The following DARS1 variants were observed in gnomAD, a reference collection of about 807,000 sequenced individuals.
DARS1 encodes the protein aspartate--tRNA ligase, cytoplasmic.
A neutral mutation model predicts 68.8 loss-of-function variants in DARS1; 51 were observed. That is an observed-to-expected ratio of 0.74 (90% CI 0.59 to 0.94). The LOEUF (loss-of-function observed/expected upper bound fraction) is 0.94. Among genes scored for constraint, DARS1 ranks in the 40% least tolerant of loss-of-function variants. DARS1 has a pLI of 0.00. For synonymous variants in DARS1, 203 were observed against 190.4 expected, an observed-to-expected ratio of 1.07 and a Z score of -0.55; for missense variants, 607 against 597.3, an observed-to-expected ratio of 1.02 and a Z score of -0.17.
rs1370555724 is a variant in DARS1 at position 135,906,572 on chromosome 2, A to G, written c.*744T>C. The G allele has an allele frequency of 6.6e-6, 1 of 152,174 alleles. No individual in the cohort carries two copies. The highest frequency in any genetic ancestry group is 1.9e-4 in the East Asian group (1 of 5,158). The allele number at this position is 152,174 out of a possible 1,614,324, so 9.4% of individuals were successfully genotyped here. On this transcript the variant is annotated 3_prime_UTR_variant, in exon 16 of 16. Transcript: ENST00000264161. Reference sequence around the variant, plus strand: ...TGAAATGAATACATGTTGACAACATATTAGTCTTTATTTATATAAACTAGT... The same window carrying G: ...TGAAATGAATACATGTTGACAACATGTTAGTCTTTATTTATATAAACTAGT...
chr2:135,930,385 A>T (rs1681315567), intron 7 of DARS1, among the ~76,000 whole-genome samples: 1 of 152,200 alleles, frequency 6.6e-6, no homozygotes, highest in African/African-American at 2.4e-5. Context: ...TAGGATGCCC[A>T]TGAGTCCTGA....
At chr2:135,961,634 T>C (rs1196841213) in intron 3 of DARS1, 136 bp from the exon 4 acceptor site, 7 of 547,304 alleles carry the variant, frequency 1.3e-5, no homozygotes, top group African/African-American at 3.8e-5. Flanking sequence ...GTGTATACTA[T>C]CCATTTGGCT....
intron 4 of DARS1, among the ~76,000 whole-genome samples, chr2:135,950,342 C>A (rs1367128042): frequency 1.3e-5 from 2 of 152,168 alleles, no homozygotes; most frequent in Non-Finnish European, 1.5e-5. Context: ...TAGAAATGGC[C>A]TTTTCCTCAC....
At chr2:135,912,116 C>T (rs1200884042) in intron 13 of DARS1, among the ~76,000 whole-genome samples, 1 of 152,126 alleles carries the variant, frequency 6.6e-6, no homozygotes, top group African/African-American at 2.4e-5. Context: ...GACCGTAAGA[C>T]ATTATTTAGA....
intron 9 of DARS1, among the ~76,000 whole-genome samples, chr2:135,921,657 A>G (rs900628600): frequency 2.0e-5 from 3 of 152,222 alleles, no homozygotes; most frequent in African/African-American, 7.2e-5. Flanking sequence ...CAGGCACAAT[A>G]TTGATTCCCT....
At chr2:135,932,184 A>T (rs2104809536) in intron 7 of DARS1, among the ~76,000 whole-genome samples, 1 of 152,320 alleles carries the variant, frequency 6.6e-6, no homozygotes, top group East Asian at 1.9e-4. Flanking sequence ...TGAGTAGAAT[A>T]TTTAAGTAAA....
At chr2:135,913,730 C>G (rs1157922168) in intron 12 of DARS1, among the ~76,000 whole-genome samples, 3 of 151,718 alleles carry the variant, frequency 2.0e-5, no homozygotes, top group Non-Finnish European at 4.4e-5. Flanking sequence ...TGCACTCCAG[C>G]CTGGGCAACA....
At position 135,911,159 on chromosome 2, in the gene DARS1, G is replaced by C; in HGVS notation, c.1394C>G (p.Pro465Arg). 6.6e-7 allele frequency: 1 copy of C among 1,522,746 alleles called. No individual in the cohort carries two copies. The highest frequency in any genetic ancestry group is 1.1e-5 in the South Asian group (1 of 89,122). The allele number at this position is 1,522,746 out of a possible 1,614,324, so 94.3% of individuals were successfully genotyped here. Residue 465 changes from proline (P) to arginine (R), a missense_variant, in exon 15 of 16, where the codon CCT (proline) becomes CGT (arginine). By Grantham distance (103) the Pro-to-Arg change is moderately radical (BLOSUM62 -2). Coordinates refer to ENST00000264161, the MANE Select transcript of DARS1 (RefSeq NM_001349.4). ...ATTACCAATGCCTCCACCAGCATGAGGAGGGGCTCCAAAGCGGAAGGAATC... is the reference window on the plus strand; with the variant it reads ...ATTACCAATGCCTCCACCAGCATGACGAGGGGCTCCAAAGCGGAAGGAATC... ...YIDSFRFGAP[P>R]HAGGGIGLER...
chr2:135,925,679 TATTAG>T (rs942785437), intron 7 of DARS1, among the ~76,000 whole-genome samples: 1 of 152,228 alleles, frequency 6.6e-6, no homozygotes, highest in Non-Finnish European at 1.5e-5. Flanking sequence ...CTTTATAATT[TATTAG>T]ATTACTTACT....
At chr2:135,985,205 C>T in intron 1 of DARS1, 198 bp downstream of exon 1, 1 of 842,476 alleles carries the variant, frequency 1.2e-6, no homozygotes, top group East Asian at 2.8e-5. Flanking sequence ...TCCCAGGTGA[C>T]CCCCGCAAGA....
intron 4 of DARS1, among the ~76,000 whole-genome samples, chr2:135,957,210 G>A (rs1438017999): frequency 6.6e-6 from 1 of 151,736 alleles, no homozygotes; most frequent in East Asian, 2.0e-4. Context: ...GACTACAGGT[G>A]CATGCAGCCA....
At chr2:135,949,005 T>C (rs547922405) in intron 4 of DARS1, among the ~76,000 whole-genome samples, 26 of 152,228 alleles carry the variant, frequency 1.7e-4, no homozygotes, top group Admixed American at 2.0e-4. Flanking sequence ...AGGTGACTCA[T>C]TAGAGAATGA....
chr2:135,937,043 C>T (rs1268724501), intron 5 of DARS1, among the ~76,000 whole-genome samples: 2 of 152,082 alleles, frequency 1.3e-5, no homozygotes, highest in Non-Finnish European at 2.9e-5. Flanking sequence ...TAGGTTCAAA[C>T]TGGCAGGGTT....
In DARS1 at chr2:135,920,472, A is replaced by C; in HGVS notation, c.940T>G (p.Phe314Val). 6.2e-7 allele frequency: 1 copy of C among 1,613,186 alleles called. No homozygotes were observed. The highest frequency in any genetic ancestry group is 8.5e-7 in the Non-Finnish European group (1 of 1,179,652). Residue 314 changes from phenylalanine to valine, a missense_variant, in exon 10 of 16, where the codon TTC becomes GTC. Physicochemically the swap from Phe to Val is conservative, Grantham distance 50 (BLOSUM62 -1). Transcript: ENST00000264161. ...EEIADTMVQI[F>V]KGLQERFQTE... ...TTTTACCTTTCTTGAAGTCCTTTGA[A>C]TATTTGTACCATGGTGTCAGCAATT... is the stretch of plus-strand genomic sequence containing the variant.
chr2:135,910,856 G>A, intron 15 of DARS1: 1 of 293,286 alleles, frequency 3.4e-6, no homozygotes, highest in South Asian at 4.9e-5. Flanking sequence ...GCTATTTTAA[G>A]GTAGAGCTTT....
At chr2:135,950,784 A>G (rs1681823316) in intron 4 of DARS1, among the ~76,000 whole-genome samples, 1 of 152,156 alleles carries the variant, frequency 6.6e-6, no homozygotes, top group Admixed American at 6.5e-5. Flanking sequence ...CAGCTGAGGA[A>G]TAGGAATCAG....
At chr2:135,911,747 T>C (rs1163529470) in intron 13 of DARS1, 1 of 306,996 alleles carries the variant, frequency 3.3e-6, no homozygotes, top group Non-Finnish European at 5.9e-6. Context: ...TAAGAAGCAG[T>C]GCTGATCCTT....
At chr2:135,943,525 T>G (rs761285119) in intron 4 of DARS1, 45 bp from the exon 5 acceptor site, 1 of 1,596,548 alleles carries the variant, frequency 6.3e-7, no homozygotes, top group Admixed American at 1.8e-5. Context: ...TCATCAGAGG[T>G]GTCAGAACTC....
intron 4 of DARS1, among the ~76,000 whole-genome samples, chr2:135,944,385 T>C (rs1365871658): frequency 6.6e-6 from 1 of 152,182 alleles, no homozygotes; most frequent in Non-Finnish European, 1.5e-5. Context: ...TTTGGGTCTT[T>C]AGTAGTTGTG....
Sources: gnomAD v4.1 joint callset for allele counts (sites outside exome capture counted in the v4.1 genomes callset) on GRCh38, gnomAD v4.1.1 for gene constraint, MANE v1.5 for transcripts, NCBI Gene and HGNC (gene_info 2026-07-23, HGNC 2026-07-21) for gene names.